PPFIBP1: variants seen among roughly 807,000 people sequenced by gnomAD.
The protein encoded by PPFIBP1 is PPFIB scaffold protein 1.
A neutral mutation model predicts 137.8 loss-of-function variants in PPFIBP1; 112 were observed. The observed-to-expected ratio is 0.81, with a 90% CI of 0.70 to 0.95. The LOEUF is 0.95. Ranked by LOEUF, PPFIBP1 falls within the 40% of genes least tolerant of loss-of-function variation. PPFIBP1 has a pLI of 0.00. For missense variants in PPFIBP1, 1,083 were observed against 1,196.6 expected, an observed-to-expected ratio of 0.91 and a Z score of 1.40; for synonymous variants, 378 against 417.3, an observed-to-expected ratio of 0.91 and a Z score of 1.15.
Position 27,634,937 on chromosome 12 carries a change from G to C in PPFIBP1, c.92G>C (p.Gly31Ala). Reference sequence around the variant, plus strand: ...TCTAAGGCTCTGGAATATTCCAATGGGATTTTTGATTGCCAATCTCCCACC... The same window carrying C: ...TCTAAGGCTCTGGAATATTCCAATGCGATTTTTGATTGCCAATCTCCCACC... The part of the protein sequence containing the change: ...AGSKALEYSN[G>A]IFDCQSPTSP... The change falls in exon 4 of 30, where the codon GGG becomes GCG. Residue 31 changes from glycine to alanine, a missense_variant. Physicochemically the swap from Gly to Ala is moderately conservative, Grantham distance 60 (BLOSUM62 0). Coordinates refer to ENST00000228425, the MANE Select transcript of PPFIBP1 (RefSeq NM_003622.4). The C allele has an allele frequency of 1.2e-6, 2 of 1,613,978 alleles. No homozygotes were observed. The highest frequency in any genetic ancestry group is 1.7e-6 in the Non-Finnish European group (2 of 1,179,934).
chr12:27,525,007 T>G (rs917521294), intron 1 of PPFIBP1, among the ~76,000 whole-genome samples: 1 of 152,126 alleles, frequency 6.6e-6, no homozygotes, highest in Non-Finnish European at 1.5e-5. Flanking sequence ...AGCTGCCAGC[T>G]TTATATCTGG....
At chr12:27,546,684 A>G (rs909416994) in intron 1 of PPFIBP1, among the ~76,000 whole-genome samples, 1 of 152,184 alleles carries the variant, frequency 6.6e-6, no homozygotes, top group Non-Finnish European at 1.5e-5. Context: ...TCATTCATCT[A>G]TCAGTTACAC....
At chr12:27,658,950 A>G in intron 10 of PPFIBP1, 102 bp downstream of exon 10, 6 of 1,217,452 alleles carry the variant, frequency 4.9e-6, no homozygotes, top group Non-Finnish European at 5.9e-6. Context: ...CCAAAGATGT[A>G]AAGTTGCTTC....
chr12:27,690,889 A>G (rs2061493062), intron 27 of PPFIBP1, among the ~76,000 whole-genome samples: 1 of 152,110 alleles, frequency 6.6e-6, no homozygotes, highest in Admixed American at 6.6e-5. Context: ...TACCAAATTC[A>G]GATTACTTTT....
At chr12:27,591,848 T>C (rs936627389) in intron 2 of PPFIBP1, among the ~76,000 whole-genome samples, 5 of 152,220 alleles carry the variant, frequency 3.3e-5, no homozygotes, top group Non-Finnish European at 7.3e-5. Flanking sequence ...TCAGAACTGC[T>C]GTCTGATCTC....
At chr12:27,594,144 T>A in intron 2 of PPFIBP1, 1 of 524,558 alleles carries the variant, frequency 1.9e-6, no homozygotes, top group Non-Finnish European at 3.0e-6. Context: ...TCATGGTACT[T>A]AAGCAAAAAC....
intron 2 of PPFIBP1, chr12:27,599,594 A>G (rs2053738559): frequency 2.3e-6 from 1 of 440,990 alleles, no homozygotes; most frequent in Non-Finnish European, 4.5e-6. Context: ...TTCATTTCCT[A>G]TTGGTTCTGT....
At chr12:27,554,146 C>T (rs531155706) in intron 1 of PPFIBP1, among the ~76,000 whole-genome samples, 13 of 152,286 alleles carry the variant, frequency 8.5e-5, no homozygotes, top group South Asian at 2.1e-4. Context: ...CTCACAATCC[C>T]GTTAAGATTC....
intron 1 of PPFIBP1, among the ~76,000 whole-genome samples, chr12:27,568,885 T>A (rs544917986): frequency 6.6e-6 from 1 of 152,280 alleles, no homozygotes; most frequent in East Asian, 1.9e-4. Context: ...CTTTTTGAAC[T>A]CAAATGTGAT....
intron 1 of PPFIBP1, among the ~76,000 whole-genome samples, chr12:27,541,263 G>GAAAA (rs761574125): frequency 2.1e-5 from 3 of 145,912 alleles, no homozygotes; most frequent in Non-Finnish European, 3.0e-5. Context: ...GAGAGAGAGA[G>GAAAA]AAAAAAAAAA....
intron 1 of PPFIBP1, among the ~76,000 whole-genome samples, chr12:27,574,454 G>A (rs1418819088): frequency 6.6e-6 from 1 of 152,006 alleles, no homozygotes; most frequent in Non-Finnish European, 1.5e-5. Context: ...GATAGATATT[G>A]GTCAGTTAGC....
intron 2 of PPFIBP1, among the ~76,000 whole-genome samples, chr12:27,588,669 T>C (rs2052088029): frequency 6.6e-6 from 1 of 152,230 alleles, no homozygotes; most frequent in African/African-American, 2.4e-5. Context: ...GAGGAAAAAC[T>C]AAATAAATTG....
intron 1 of PPFIBP1, chr12:27,547,103 T>G (rs1946310241): frequency 6.6e-6 from 1 of 152,250 alleles, no homozygotes; most frequent in African/African-American, 2.4e-5. Context: ...AGCTTTAGAA[T>G]GAAGATTTGC....
intron 2 of PPFIBP1, among the ~76,000 whole-genome samples, chr12:27,625,632 G>A (rs1395683582): frequency 6.7e-6 from 1 of 148,528 alleles, no homozygotes; most frequent in Non-Finnish European, 1.5e-5. Flanking sequence ...CCAGGTTGGA[G>A]TGCAGTGGCA....
Position 27,662,597 on chromosome 12 carries a change from C to T in PPFIBP1, c.906+1652C>T, listed in dbSNP as rs544142151. Among the ~76,000 whole-genome samples, 34 of 152,138 alleles carry T rather than the reference C, an allele frequency of 2.2e-4. No homozygotes were observed. The East Asian group carries it at 2.3e-3, about 10-fold the overall frequency. On this transcript the variant is annotated intron_variant, in intron 11 of 29. Transcript: ENST00000228425. The stretch of plus-strand genomic sequence containing the variant: ...ATTTAAGATCTCTGGATTTGAAAAA[C>T]GAGAGAAAATTTCTGGTTTGGGCAA...
intron 2 of PPFIBP1, among the ~76,000 whole-genome samples, chr12:27,581,789 A>G (rs745975468): frequency 7.2e-5 from 11 of 152,152 alleles, no homozygotes; most frequent in Non-Finnish European, 1.6e-4. Flanking sequence ...TTGGTTCGTG[A>G]TAACTGGACA....
At chr12:27,683,856 C>T (rs1488747641) in intron 24 of PPFIBP1, among the ~76,000 whole-genome samples, 3 of 150,590 alleles carry the variant, frequency 2.0e-5, no homozygotes, top group Non-Finnish European at 4.4e-5. Context: ...GGTGCGATCT[C>T]GGCTCACTGC....
intron 4 of PPFIBP1, among the ~76,000 whole-genome samples, chr12:27,637,562 C>T (rs534839135): frequency 1.3e-5 from 2 of 152,138 alleles, no homozygotes; most frequent in African/African-American, 4.8e-5. Context: ...TTTTATCCAT[C>T]TAACTTATCT....
rs540769935 is a variant in PPFIBP1 at position 27,674,674 on chromosome 12, A to G, written c.1410+453A>G. Among the ~76,000 whole-genome samples the G allele has an allele frequency of 2.0e-5, 3 of 152,310 alleles. No homozygotes were observed. The South Asian group carries it at 6.2e-4, about 32-fold the overall frequency. ...ATGCTACTTAATGTTCCTAATGACCATAACTGAGCTTCCTTAGACCTCCCC... is the reference window on the plus strand; with the variant it reads ...ATGCTACTTAATGTTCCTAATGACCGTAACTGAGCTTCCTTAGACCTCCCC... On this transcript the variant is annotated intron_variant, in intron 17 of 29. Transcript: ENST00000228425.
Sources: allele counts gnomAD v4.1 joint callset (sites outside exome capture counted in the v4.1 genomes callset), GRCh38; gene constraint gnomAD v4.1.1; transcripts MANE v1.5; gene names NCBI Gene and HGNC (gene_info 2026-07-23, HGNC 2026-07-21).